ZNF529: variants seen among roughly 807,000 people sequenced by gnomAD.
ZNF529 encodes the protein zinc finger protein 529.
In ZNF529, 11 loss-of-function variants were observed where a neutral mutation model predicts 10.1. The ratio of observed to expected loss-of-function variants is 1.09; its 90% CI spans 0.69 to 1.81. The LOEUF (loss-of-function observed/expected upper bound fraction) is 1.81. ZNF529 is among the 40% of genes most tolerant of loss of function. The probability of loss-of-function intolerance (pLI) is 0.00; values close to 1 mark genes in which losing one functional copy is unlikely to be tolerated. For synonymous variants in ZNF529, 204 were observed against 215.7 expected (o/e 0.95, Z 0.47); for missense variants, 624 against 666.8 (o/e 0.94, Z 0.71).
intron 1 of ZNF529, among the ~76,000 whole-genome samples, chr19:36,600,894 AG>A (rs1245192860): frequency 6.6e-6 from 1 of 152,212 alleles, no homozygotes; most frequent in Non-Finnish European, 1.5e-5. Context: ...CTATTGAAAA[AG>A]TTAAAATCAA....
Position 36,557,475 on chromosome 19 carries a change from C to G in ZNF529, c.15-1278G>C, listed in dbSNP as rs546664674. Among the ~76,000 whole-genome samples, 3 of 152,202 alleles carry G rather than the reference C, an allele frequency of 2.0e-5. No individual in the cohort carries two copies. The South Asian group carries it at 6.2e-4, about 32-fold the overall frequency. ...GGGTGGTAGGAGACAGAATGAGAGCCGAGCTAAGGGGGAAGCCCCTTATAA... is the reference window on the plus strand; with the variant it reads ...GGGTGGTAGGAGACAGAATGAGAGCGGAGCTAAGGGGGAAGCCCCTTATAA... On this transcript the variant is annotated intron_variant, in intron 2 of 4. Transcript: ENST00000591340.
chr19:36,553,914 A>C (rs1370508165), intron 4 of ZNF529, among the ~76,000 whole-genome samples: 1 of 152,226 alleles, frequency 6.6e-6, no homozygotes, highest in Non-Finnish European at 1.5e-5. Flanking sequence ...GTATAAAATT[A>C]CTTTCAGTCT....
chr19:36,551,795 C>G (rs2035268875), intron 4 of ZNF529: 1 of 152,158 alleles, frequency 6.6e-6, no homozygotes, highest in African/African-American at 2.4e-5. Flanking sequence ...ACCACACTGT[C>G]TGAATTAGCT....
chr19:36,554,345 A>G (rs1051450734), intron 4 of ZNF529, among the ~76,000 whole-genome samples: 5 of 152,088 alleles, frequency 3.3e-5, no homozygotes, highest in Non-Finnish European at 7.4e-5. Context: ...TTGGGAGGCC[A>G]AGGTGGGCGA....
chr19:36,590,276 G>A (rs2036675786), intron 1 of ZNF529, among the ~76,000 whole-genome samples: 1 of 152,174 alleles, frequency 6.6e-6, no homozygotes, highest in African/African-American at 2.4e-5. Context: ...GTGGGAGGCT[G>A]AGGCAGAAGG....
chr19:36,557,734 G>A (rs947055137), intron 2 of ZNF529, among the ~76,000 whole-genome samples: 1 of 152,170 alleles, frequency 6.6e-6, no homozygotes, highest in Admixed American at 6.5e-5. Flanking sequence ...CAAAAGTACT[G>A]GAGTTCCAAC....
chr19:36,599,675 T>A (rs936369936), intron 1 of ZNF529, among the ~76,000 whole-genome samples: 8 of 152,198 alleles, frequency 5.3e-5, no homozygotes, highest in Admixed American at 3.9e-4. Context: ...TACTGAATTT[T>A]TTTCAATTAG....
intron 1 of ZNF529, among the ~76,000 whole-genome samples, chr19:36,602,412 T>C (rs1055714995): frequency 6.6e-6 from 1 of 151,570 alleles, no homozygotes; most frequent in African/African-American, 2.4e-5. Flanking sequence ...AAATTGCATA[T>C]AATTTTCACA....
chr19:36,597,121 C>G, intron 1 of ZNF529, among the ~76,000 whole-genome samples: 1 of 152,168 alleles, frequency 6.6e-6, no homozygotes, highest in Middle Eastern at 3.2e-3. Flanking sequence ...ATGCTCCCAT[C>G]TCACCCCTCA....
intron 1 of ZNF529, among the ~76,000 whole-genome samples, chr19:36,593,020 A>G (rs1600365705): frequency 1.3e-5 from 2 of 152,324 alleles, no homozygotes; most frequent in East Asian, 3.9e-4. Flanking sequence ...CAATCCTCCT[A>G]TGATAAAAAA....
chr19:36,554,682 A>C lies in ZNF529; in HGVS notation c.223T>G (p.Leu75Val), dbSNP rs779638178. The C allele has an allele frequency of 1.3e-6, 2 of 1,562,874 alleles. No homozygotes were observed. The highest frequency in any genetic ancestry group is 4.7e-5 in the East Asian group (2 of 42,652). ...CAGATAAATTTACCCAGTGAGAGTAAGTTGCTGTAGTTCTCCATCATCACA... is the reference window on the plus strand; with the variant it reads ...CAGATAAATTTACCCAGTGAGAGTACGTTGCTGTAGTTCTCCATCATCACA... ...WDVMMENYSN[L>V]LSLDLESRNE... Residue 75 changes from leucine to valine, a missense_variant, in exon 4 of 5, where the codon TTA (leucine) becomes GTA (valine). Coordinates refer to ENST00000591340, the MANE Select transcript of ZNF529 (RefSeq NM_020951.5).
At chr19:36,552,303 G>A (rs1442398830) in intron 4 of ZNF529, among the ~76,000 whole-genome samples, 2 of 152,012 alleles carry the variant, frequency 1.3e-5, no homozygotes, top group African/African-American at 4.8e-5. Flanking sequence ...GGTGGCATGC[G>A]CCTGTAGTCC....
At position 36,547,034 on chromosome 19, in the gene ZNF529, G is replaced by A. The variant is rs1160574730; in HGVS notation, c.1524C>T (p.Cys508=). The A allele has an allele frequency of 3.1e-6, 5 of 1,613,546 alleles. No individual in the cohort carries two copies. The highest frequency in any genetic ancestry group is 4.2e-6 in the Non-Finnish European group (5 of 1,179,818). The change falls in exon 5 of 5, where the codon TGC becomes TGT. Residue 508 remains cysteine, a synonymous_variant. Transcript: ENST00000591340. ...GTCTAAAGGCCTTCCCACATGCCTT[G>A]CATTCATAGGGTTTTTCTCCAGTAT... ...RIHTGEKPYE[C]KACGKAFRHS...
In ZNF529 at chr19:36,598,176, C is replaced by T. The variant is rs991383477; in HGVS notation, c.-128+6950G>A. ...GACTGGTTATGCATCCTTATATTAG[C>T]ATTGCTTCTCTGTATTCTCTATGGT... On this transcript the variant is annotated intron_variant, in intron 1 of 4. Transcript: ENST00000585960. 1.5e-4 allele frequency among the ~76,000 whole-genome samples: 23 copies of T among 152,274 alleles called. No individual in the cohort carries two copies. In the East Asian group the frequency reaches 4.0e-3, roughly 27 times the overall value.
At chr19:36,566,401 A>G (rs1052700490) in intron 2 of ZNF529, among the ~76,000 whole-genome samples, 1 of 152,214 alleles carries the variant, frequency 6.6e-6, no homozygotes, top group African/African-American at 2.4e-5. Flanking sequence ...TAAAACCAAA[A>G]GAAAGCCAGG....
chr19:36,572,774 T>G (rs2036180026), intron 1 of ZNF529, among the ~76,000 whole-genome samples: 1 of 152,098 alleles, frequency 6.6e-6, no homozygotes, highest in Non-Finnish European at 1.5e-5. Context: ...CTTCTATATA[T>G]CATCTATGTA....
At chr19:36,582,850 T>G (rs1013631550) in intron 2 of ZNF529, 2 of 151,654 alleles carry the variant, frequency 1.3e-5, no homozygotes, top group African/African-American at 4.8e-5. Flanking sequence ...ATTAATAAAA[T>G]AGAAAACACA....
At chr19:36,549,290 C>T (rs144286457) in intron 4 of ZNF529, among the ~76,000 whole-genome samples, 1 of 152,196 alleles carries the variant, frequency 6.6e-6, no homozygotes, top group African/African-American at 2.4e-5. Flanking sequence ...ACACCATTTA[C>T]TTCCTTATTC....
chr19:36,601,328 TCTC>T (rs1328843280), intron 1 of ZNF529, among the ~76,000 whole-genome samples: 2 of 151,978 alleles, frequency 1.3e-5, no homozygotes, highest in Non-Finnish European at 2.9e-5. Context: ...ATGGTCTCGA[TCTC>T]CTGACCTCGT....
Sources: gnomAD v4.1 joint callset for allele counts (sites outside exome capture counted in the v4.1 genomes callset) on GRCh38, gnomAD v4.1.1 for gene constraint, MANE v1.5 for transcripts, NCBI Gene and HGNC (gene_info 2026-07-23, HGNC 2026-07-21) for gene names.